Variants in EYS observed in about 807,000 individuals in gnomAD.
EYS encodes the protein protein eyes shut homolog.
Under a neutral mutation model 282.1 loss-of-function variants are expected in EYS, and 250 were observed. The ratio of observed to expected loss-of-function variants is 0.89; its 90% CI spans 0.80 to 0.98. EYS has a LOEUF of 0.98. EYS is among the 50% of genes least tolerant of loss of function. The pLI is 0.00. For synonymous variants in EYS, 1,355 were observed against 1,282.9 expected, an observed-to-expected ratio of 1.06 and a Z score of -1.20; for missense variants, 4,016 against 3,709.0, an observed-to-expected ratio of 1.08 and a Z score of -2.15.
At chr6:64,496,360 C>G (rs192196558) in intron 26 of EYS, among the ~76,000 whole-genome samples, 1 of 128,828 alleles carries the variant, frequency 7.8e-6, no homozygotes, top group Admixed American at 7.5e-5. Context: ...TCTTGACTTT[C>G]ATTTAGTTGT....
chr6:65,688,845 A>C (rs1486536577), intron 1 of EYS, among the ~76,000 whole-genome samples: 1 of 151,934 alleles, frequency 6.6e-6, no homozygotes, highest in Non-Finnish European at 1.5e-5. Context: ...CACCAGTTAG[A>C]ATGGCGATCA....
chr6:64,634,666 C>T (rs554398217), intron 22 of EYS, among the ~76,000 whole-genome samples: 1 of 152,120 alleles, frequency 6.6e-6, no homozygotes, highest in Admixed American at 6.5e-5. Flanking sequence ...TTAAAAACAA[C>T]TGCTCCACAT....
At chr6:65,069,276 T>C (rs1250916087) in intron 12 of EYS, among the ~76,000 whole-genome samples, 2 of 151,990 alleles carry the variant, frequency 1.3e-5, no homozygotes, top group African/African-American at 4.8e-5. Flanking sequence ...AAAACTTTCA[T>C]CTTACATCAT....
chr6:65,319,234 G>C (rs915467165), intron 11 of EYS, among the ~76,000 whole-genome samples: 4 of 125,756 alleles, frequency 3.2e-5, no homozygotes, highest in African/African-American at 1.2e-4. Flanking sequence ...AAAACAATTA[G>C]CCGGGCATCG....
intron 22 of EYS, among the ~76,000 whole-genome samples, chr6:64,676,097 GA>G (rs1769661827): frequency 6.8e-6 from 1 of 147,672 alleles, no homozygotes; most frequent in African/African-American, 2.5e-5. Flanking sequence ...GAGAGGGAGA[GA>G]GAGAGAGCCA....
intron 22 of EYS, among the ~76,000 whole-genome samples, chr6:64,662,470 G>A (rs1390482025): frequency 6.6e-6 from 1 of 152,146 alleles, no homozygotes; most frequent in Non-Finnish European, 1.5e-5. Context: ...CTGTTCAGAA[G>A]AGAAAAATAA....
chr6:64,182,369 C>T (rs954333199), intron 31 of EYS, among the ~76,000 whole-genome samples: 2 of 152,080 alleles, frequency 1.3e-5, no homozygotes, highest in Admixed American at 6.6e-5. Flanking sequence ...AGAATTCCCA[C>T]GAGTCACACA....
intron 26 of EYS, among the ~76,000 whole-genome samples, chr6:64,553,026 T>G (rs928838522): frequency 6.8e-6 from 1 of 147,948 alleles, no homozygotes; most frequent in African/African-American, 2.5e-5. Context: ...TCTGTACAGA[T>G]TCAATCAATG....
intron 16 of EYS, among the ~76,000 whole-genome samples, chr6:64,908,066 T>C (rs1292482851): frequency 6.6e-6 from 1 of 152,184 alleles, no homozygotes; most frequent in East Asian, 1.9e-4. Context: ...GTGCTATGTA[T>C]CCACAACTTG....
chr6:64,417,671 CT>C lies in EYS; in HGVS notation c.5927+18502del, dbSNP rs11414644. Among the ~76,000 whole-genome samples the C allele has an allele frequency of 6.7e-3, 829 of 123,932 alleles. 2 individuals carry two copies. Among genetic ancestry groups the C allele is most frequent in the African/African-American group, 0.02 (646 of 32,736 alleles). The allele number at this position is 123,932 out of a possible 152,430, so 81.3% of individuals were successfully genotyped here. On this transcript the variant is annotated intron_variant, in intron 28 of 42. Transcript: ENST00000503581. ...GCATATTCTTACCTGTAAGGGTTGG[CT>C]TTTTTTTTTTTTTTTTTTGACAGCG...
At chr6:64,212,766 C>CT (rs1765818341) in intron 31 of EYS, among the ~76,000 whole-genome samples, 3 of 151,994 alleles carry the variant, frequency 2.0e-5, no homozygotes, top group Non-Finnish European at 4.4e-5. Context: ...TGGGTATATA[C>CT]CCAAAAGAAT....
intron 22 of EYS, among the ~76,000 whole-genome samples, chr6:64,627,665 G>T (rs1198374658): frequency 6.6e-6 from 1 of 152,142 alleles, no homozygotes; most frequent in African/African-American, 2.4e-5. Flanking sequence ...GTTTTTCACT[G>T]CAACTGGGTC....
intron 36 of EYS, among the ~76,000 whole-genome samples, chr6:63,819,094 G>A (rs1020512238): frequency 7.2e-5 from 11 of 152,122 alleles, no homozygotes; most frequent in Non-Finnish European, 1.3e-4. Context: ...TGTAAGGTCC[G>A]TGAAGGCAGG....
intron 15 of EYS, among the ~76,000 whole-genome samples, chr6:64,943,518 T>C (rs1423576642): frequency 6.6e-6 from 1 of 152,102 alleles, no homozygotes; most frequent in Non-Finnish European, 1.5e-5. Context: ...AACATTTCTA[T>C]GCACCAATAA....
intron 12 of EYS, among the ~76,000 whole-genome samples, chr6:65,066,796 C>T (rs1773758596): frequency 6.6e-6 from 1 of 152,064 alleles, no homozygotes; most frequent in Non-Finnish European, 1.5e-5. Context: ...AATTAATTCA[C>T]AAATAGTTAC....
chr6:65,245,796 T>C (rs142074175), intron 12 of EYS, among the ~76,000 whole-genome samples: 122 of 152,146 alleles, frequency 8.0e-4, no homozygotes, highest in African/African-American at 2.8e-3. Flanking sequence ...TTGTTTCTGG[T>C]GTTTGTTTTG....
chr6:63,981,891 C>T (rs1767117189), intron 35 of EYS, among the ~76,000 whole-genome samples: 1 of 151,752 alleles, frequency 6.6e-6, no homozygotes, highest in South Asian at 2.1e-4. Context: ...TACCTTGGCT[C>T]TTAGTTGGCT....
intron 31 of EYS, among the ~76,000 whole-genome samples, chr6:64,219,087 A>T (rs145520618): frequency 2.6e-5 from 4 of 152,298 alleles, no homozygotes; most frequent in East Asian, 3.9e-4. Flanking sequence ...AGCCGCAATG[A>T]CAGAATGCAT....
At chr6:64,266,367 A>G (rs1446294200) in intron 30 of EYS, among the ~76,000 whole-genome samples, 4 of 152,054 alleles carry the variant, frequency 2.6e-5, no homozygotes, top group Non-Finnish European at 4.4e-5. Flanking sequence ...AAAACAATAG[A>G]GTGCTTAGCT....
Sources: allele counts gnomAD v4.1 joint callset (sites outside exome capture counted in the v4.1 genomes callset), GRCh38; gene constraint gnomAD v4.1.1; transcripts MANE v1.5; gene names NCBI Gene and HGNC (gene_info 2026-07-23, HGNC 2026-07-21).